SYN3: variants seen among roughly 807,000 people sequenced by gnomAD.
The protein encoded by SYN3 is synapsin-3.
Under a neutral mutation model 65.8 loss-of-function variants are expected in SYN3, and 35 were observed. The observed-to-expected ratio is 0.53, with a 90% CI of 0.41 to 0.70. The LOEUF is 0.70. Ranked by LOEUF, SYN3 falls within the 30% of genes least tolerant of loss-of-function variation. The pLI is 0.00. For synonymous variants in SYN3, 270 were observed against 292.9 expected (o/e 0.92, Z 0.80); for missense variants, 680 against 749.0 (o/e 0.91, Z 1.08).
chr22:32,925,905 T>G (rs533540273), intron 4 of SYN3, among the ~76,000 whole-genome samples: 2 of 148,720 alleles, frequency 1.3e-5, no homozygotes, highest in Non-Finnish European at 3.0e-5. Context: ...CAATCTGTCA[T>G]CCAGGCTCAC....
At chr22:32,858,514 C>T (rs558310211) in intron 6 of SYN3, among the ~76,000 whole-genome samples, 1 of 152,208 alleles carries the variant, frequency 6.6e-6, no homozygotes, top group South Asian at 2.1e-4. Flanking sequence ...GCTGACTCAT[C>T]GCTAACCCCA....
chr22:32,919,335 C>G (rs1052511455), intron 4 of SYN3, among the ~76,000 whole-genome samples: 2 of 152,200 alleles, frequency 1.3e-5, no homozygotes, highest in African/African-American at 4.8e-5. Context: ...CATGACCTGC[C>G]CTTAGCCCAC....
chr22:32,686,670 C>G (rs2060593764), intron 6 of SYN3, among the ~76,000 whole-genome samples: 2 of 3,528 alleles, frequency 5.7e-4, no homozygotes, highest in African/African-American at 2.2e-3. Context: ...GATCTCGGCT[C>G]ACTGCAACCT....
At chr22:32,630,522 C>T (rs1488319258) in intron 6 of SYN3, among the ~76,000 whole-genome samples, 1 of 152,230 alleles carries the variant, frequency 6.6e-6, no homozygotes, top group Non-Finnish European at 1.5e-5. Flanking sequence ...TCTCACTTGC[C>T]TGCCCTGATC....
At chr22:32,832,686 T>C (rs1281601647) in intron 6 of SYN3, among the ~76,000 whole-genome samples, 1 of 151,942 alleles carries the variant, frequency 6.6e-6, no homozygotes, top group African/African-American at 2.4e-5. Context: ...TTTTATTTTA[T>C]TTTATTTTAT....
At chr22:32,613,635 G>A (rs5998558) in intron 6 of SYN3, among the ~76,000 whole-genome samples, 2,529 of 152,302 alleles carry the variant, frequency 0.017, 88 homozygotes, top group African/African-American at 0.058. Flanking sequence ...GTAAGGATTC[G>A]TTGATGGGAT....
intron 4 of SYN3, among the ~76,000 whole-genome samples, chr22:32,906,806 C>T (rs944203907): frequency 1.3e-5 from 2 of 152,146 alleles, no homozygotes; most frequent in African/African-American, 4.8e-5. Flanking sequence ...TGGCTTCCAG[C>T]TTCATCCATG....
intron 6 of SYN3, among the ~76,000 whole-genome samples, chr22:32,805,621 C>T: frequency 7.0e-6 from 1 of 143,644 alleles, no homozygotes; most frequent in African/African-American, 2.6e-5. Context: ...TCTCTTTCAC[C>T]CCCTCCCCCG....
At chr22:32,785,994 AAAGAAGAAG>A (rs145422279) in intron 6 of SYN3, among the ~76,000 whole-genome samples, 7 of 145,184 alleles carry the variant, frequency 4.8e-5, no homozygotes, top group South Asian at 4.3e-4. Context: ...AAACCACTTC[AAAGAAGAAG>A]AAGAAGAAGA....
chr22:33,047,036 C>G (rs1462637486), intron 1 of SYN3, among the ~76,000 whole-genome samples: 1 of 151,972 alleles, frequency 6.6e-6, no homozygotes, highest in Non-Finnish European at 1.5e-5. Flanking sequence ...AAAACTCACT[C>G]CCAAACATCA....
intron 6 of SYN3, among the ~76,000 whole-genome samples, chr22:32,634,858 T>C (rs2059792815): frequency 6.6e-6 from 1 of 152,188 alleles, no homozygotes; most frequent in South Asian, 2.1e-4. Flanking sequence ...CGGCCATGTG[T>C]GGCCCAGGAC....
chr22:32,601,341 G>C (rs1157210131), intron 6 of SYN3, among the ~76,000 whole-genome samples: 1 of 150,878 alleles, frequency 6.6e-6, no homozygotes, highest in East Asian at 2.0e-4. Flanking sequence ...GCAGTGGTGC[G>C]ATCTCAGCTC....
chr22:32,914,648 T>C (rs1029757889), intron 4 of SYN3, among the ~76,000 whole-genome samples: 1 of 152,032 alleles, frequency 6.6e-6, no homozygotes, highest in African/African-American at 2.4e-5. Flanking sequence ...TTCACCGTGT[T>C]AGCCATGAGG....
intron 7 of SYN3, among the ~76,000 whole-genome samples, chr22:32,567,516 G>T (rs566710483): frequency 6.6e-6 from 1 of 152,228 alleles, no homozygotes; most frequent in Admixed American, 6.5e-5. Context: ...ATTCTCAATT[G>T]GTCCTTAATA....
In SYN3 at chr22:32,508,125, T is replaced by C. The variant is rs1426614690; in HGVS notation, c.*5567A>G. Among the ~76,000 whole-genome samples, 1 of 152,186 alleles carries C rather than the reference T, an allele frequency of 6.6e-6. No homozygotes were observed. The highest frequency in any genetic ancestry group is 2.4e-5 in the African/African-American group (1 of 41,444). On this transcript the variant is annotated 3_prime_UTR_variant, in exon 14 of 14. Coordinates refer to ENST00000358763, the MANE Select transcript of SYN3 (RefSeq NM_003490.4). ...TCGCATCCCCTGTGACTTGCGCGTA[T>C]ACGCCCAGATGGCCTGAAGTAACTG...
intron 6 of SYN3, among the ~76,000 whole-genome samples, chr22:32,852,583 C>T (rs1456601106): frequency 6.6e-6 from 1 of 152,146 alleles, no homozygotes; most frequent in Non-Finnish European, 1.5e-5. Flanking sequence ...TAGAGCAGGA[C>T]TAAAGGAACT....
At chr22:32,900,550 C>CT (rs144298242) in intron 4 of SYN3, among the ~76,000 whole-genome samples, 8,078 of 152,278 alleles carry the variant, frequency 0.053, 252 homozygotes, top group Middle Eastern at 0.099. Context: ...TTTTAAGAGA[C>CT]ATCCTTTTTT....
At chr22:32,552,084 C>T (rs1435412300) in intron 7 of SYN3, among the ~76,000 whole-genome samples, 1 of 152,118 alleles carries the variant, frequency 6.6e-6, no homozygotes, top group Non-Finnish European at 1.5e-5. Context: ...CCTGCCTCTA[C>T]TAAAGACAAA....
chr22:32,790,744 C>T (rs1602155223), intron 6 of SYN3, among the ~76,000 whole-genome samples: 1 of 150,926 alleles, frequency 6.6e-6, no homozygotes, highest in East Asian at 1.9e-4. Context: ...TAAATAACGC[C>T]TATGTTTAAT....
Sources: gnomAD v4.1 joint callset for allele counts (sites outside exome capture counted in the v4.1 genomes callset) on GRCh38, gnomAD v4.1.1 for gene constraint, MANE v1.5 for transcripts, NCBI Gene and HGNC (gene_info 2026-07-23, HGNC 2026-07-21) for gene names.